Variants in TUSC3 observed in about 807,000 individuals in gnomAD.
The protein encoded by TUSC3 is tumor suppressor candidate 3.
In TUSC3, 45 loss-of-function variants were observed where a neutral mutation model predicts 44.8. The observed-to-expected ratio is 1.00, with a 90% CI of 0.79 to 1.29. The LOEUF is 1.29. TUSC3 is among the 50% of genes most tolerant of loss of function. TUSC3 has a pLI of 0.00. For missense variants in TUSC3, 519 were observed against 437.9 expected (o/e 1.19, Z -1.65); for synonymous variants, 212 against 152.9 (o/e 1.39, Z -2.85).
chr8:15,599,103 T>C (rs1169885207), intron 1 of TUSC3, among the ~76,000 whole-genome samples: 5 of 151,884 alleles, frequency 3.3e-5, no homozygotes, highest in African/African-American at 1.2e-4. Context: ...TCTCTAGCAG[T>C]TGATGTTGTC....
the TUSC3 span, among the ~76,000 whole-genome samples, chr8:15,797,952 G>C: frequency 6.6e-6 from 1 of 152,094 alleles, no homozygotes; most frequent in African/African-American, 2.4e-5. Context: ...TTGGGCTAAT[G>C]CATCTCTTAC....
chr8:15,516,279 T>G (rs1801215075), intron 2 of TUSC3, among the ~76,000 whole-genome samples: 1 of 152,188 alleles, frequency 6.6e-6, no homozygotes, highest in South Asian at 2.1e-4. Context: ...ATGCATTAAT[T>G]TGTGGTTTAT....
intron 6 of TUSC3, among the ~76,000 whole-genome samples, chr8:15,686,572 G>A (rs747315057): frequency 3.3e-5 from 5 of 151,480 alleles, no homozygotes; most frequent in Non-Finnish European, 5.9e-5. Flanking sequence ...CAGGGATTTT[G>A]CACATGCTAG....
At chr8:15,761,270 A>G (rs1414592619) in intron 10 of TUSC3, among the ~76,000 whole-genome samples, 1 of 152,172 alleles carries the variant, frequency 6.6e-6, no homozygotes, top group East Asian at 1.9e-4. Flanking sequence ...ACCATGAGGG[A>G]GTGCTGAGGA....
At position 15,602,666 on chromosome 8, in the gene TUSC3, A is replaced by T. The variant is rs200469442; in HGVS notation, c.139-20414A>T. 2.1e-5 allele frequency among the ~76,000 whole-genome samples: 3 copies of T among 145,972 alleles called. No homozygotes were observed. In the East Asian group the frequency reaches 6.2e-4, roughly 30 times the overall value. On this transcript the variant is annotated intron_variant, in intron 1 of 10. Coordinates refer to ENST00000503731, the MANE Select transcript of TUSC3 (RefSeq NM_006765.4). ...GGGTTGTGAAGATTAAAATATTTAT[A>T]TGTGTGTGTGTGTGTGTGTGTGTGT... is the stretch of plus-strand genomic sequence containing the variant.
At chr8:15,836,476 CA>C in the TUSC3 span, among the ~76,000 whole-genome samples, 95,519 of 132,642 alleles carry the variant, frequency 0.72, 35,248 homozygotes, top group Non-Finnish European at 0.82. Context: ...GACTCCATCT[CA>C]AAAAAAAAAA....
chr8:15,683,851 G>A (rs1808517729), intron 6 of TUSC3, among the ~76,000 whole-genome samples: 1 of 152,042 alleles, frequency 6.6e-6, no homozygotes, highest in African/African-American at 2.4e-5. Flanking sequence ...TATGGTATAT[G>A]GTGTGTATAG....
intron 1 of TUSC3, among the ~76,000 whole-genome samples, chr8:15,476,891 A>T (rs1361500399): frequency 6.6e-6 from 1 of 152,240 alleles, no homozygotes; most frequent in Non-Finnish European, 1.5e-5. Context: ...TGAAGTTACA[A>T]AGGTTACACC....
intron 6 of TUSC3, among the ~76,000 whole-genome samples, chr8:15,682,465 A>C (rs1049711824): frequency 2.6e-5 from 4 of 151,962 alleles, no homozygotes; most frequent in Non-Finnish European, 5.9e-5. Flanking sequence ...AGTCACTTTT[A>C]TCTCGTGTAA....
intron 2 of TUSC3, among the ~76,000 whole-genome samples, chr8:15,641,253 C>T (rs376139822): frequency 2.0e-5 from 3 of 149,592 alleles, no homozygotes; most frequent in East Asian, 2.0e-4. Flanking sequence ...CCCACCTACT[C>T]GGGAGGCTGA....
intron 1 of TUSC3, among the ~76,000 whole-genome samples, chr8:15,419,912 T>C (rs2129114850): frequency 6.6e-6 from 1 of 152,302 alleles, no homozygotes; most frequent in African/African-American, 2.4e-5. Flanking sequence ...CTTTTATAAA[T>C]CTTTATTCTT....
At chr8:15,778,167 T>C in the TUSC3 span, among the ~76,000 whole-genome samples, 2 of 151,758 alleles carry the variant, frequency 1.3e-5, no homozygotes, top group African/African-American at 4.8e-5. Flanking sequence ...TTCCAACTAA[T>C]TAGGAATTAC....
chr8:15,806,790 G>C, the TUSC3 span: 1 of 816,928 alleles, frequency 1.2e-6, no homozygotes, highest in African/African-American at 1.7e-5. Flanking sequence ...TCTTTTTCTA[G>C]CGGATTTGCA....
At chr8:15,492,798 T>C (rs117522949) in intron 2 of TUSC3, among the ~76,000 whole-genome samples, 6,435 of 151,298 alleles carry the variant, frequency 0.043, 179 homozygotes, top group South Asian at 0.1. Flanking sequence ...AAAAAAAGTG[T>C]AATAATATGT....
intron 6 of TUSC3, among the ~76,000 whole-genome samples, chr8:15,717,522 T>C (rs1810102581): frequency 6.6e-6 from 1 of 152,100 alleles, no homozygotes; most frequent in Admixed American, 6.6e-5. Flanking sequence ...TTGCTTTCCA[T>C]CCTCTATTAA....
chr8:15,751,191 G>A (rs1811686028), intron 9 of TUSC3, among the ~76,000 whole-genome samples: 1 of 152,112 alleles, frequency 6.6e-6, no homozygotes, highest in Non-Finnish European at 1.5e-5. Context: ...AGGCAATCAG[G>A]GTATTTTAGG....
chr8:15,474,265 A>G (rs1407408095), intron 1 of TUSC3, among the ~76,000 whole-genome samples: 1 of 151,690 alleles, frequency 6.6e-6, no homozygotes, highest in African/African-American at 2.4e-5. Context: ...CTGATTTCAT[A>G]TTGTTCAAAC....
chr8:15,667,066 A>G (rs890458398), intron 5 of TUSC3, among the ~76,000 whole-genome samples: 1 of 151,578 alleles, frequency 6.6e-6, no homozygotes, highest in African/African-American at 2.4e-5. Flanking sequence ...TAAAGTCACA[A>G]TTGAATAAGA....
the TUSC3 span, among the ~76,000 whole-genome samples, chr8:15,827,071 G>C: frequency 6.6e-6 from 1 of 152,084 alleles, no homozygotes; most frequent in South Asian, 2.1e-4. Context: ...CCACATTTCT[G>C]ACATTAGCAT....
Sources: gnomAD v4.1 joint callset for allele counts (sites outside exome capture counted in the v4.1 genomes callset) on GRCh38, gnomAD v4.1.1 for gene constraint, MANE v1.5 for transcripts, NCBI Gene and HGNC (gene_info 2026-07-23, HGNC 2026-07-21) for gene names.